AFAP1L2: variants seen among roughly 807,000 people sequenced by gnomAD.
The protein encoded by AFAP1L2 is actin filament-associated protein 1-like 2.
AFAP1L2 carries 46 observed loss-of-function variants against 99.3 expected under a neutral mutation model. The observed-to-expected ratio is 0.46, with a 90% CI of 0.37 to 0.59. The LOEUF (loss-of-function observed/expected upper bound fraction) is 0.59, where lower values mean the gene tolerates loss of function less well. Ranked by LOEUF, AFAP1L2 falls within the 20% of genes least tolerant of loss-of-function variation. The pLI is 0.00. For synonymous variants in AFAP1L2, 397 were observed against 419.1 expected (o/e 0.95, Z 0.64); for missense variants, 959 against 1,034.9 (o/e 0.93, Z 1.01).
chr10:114,309,697 C>T (rs1349794684), intron 8 of AFAP1L2, among the ~76,000 whole-genome samples: 1 of 152,180 alleles, frequency 6.6e-6, no homozygotes, highest in Non-Finnish European at 1.5e-5. Flanking sequence ...GCCCCAAGCC[C>T]AGAGGCGCTA....
chr10:114,311,128 CGT>C (rs2043179854), intron 7 of AFAP1L2, among the ~76,000 whole-genome samples: 1 of 152,056 alleles, frequency 6.6e-6, no homozygotes, highest in South Asian at 2.1e-4. Context: ...AGGAAGAGGG[CGT>C]GAGACTCTGG....
chr10:114,301,687 A>G (rs2041222904), intron 12 of AFAP1L2: 2 of 567,022 alleles, frequency 3.5e-6, no homozygotes, highest in African/African-American at 3.8e-5. Context: ...TCCCAGAAAG[A>G]CAAGCTTCCC....
chr10:114,327,342 G>A (rs2046529757), intron 4 of AFAP1L2, among the ~76,000 whole-genome samples: 5 of 150,680 alleles, frequency 3.3e-5, no homozygotes, highest in Admixed American at 2.7e-4. Flanking sequence ...TAATAGAGAC[G>A]TGGTTTTCGC....
At chr10:114,283,549 G>A in the AFAP1L2 span, among the ~76,000 whole-genome samples, 2 of 152,206 alleles carry the variant, frequency 1.3e-5, no homozygotes, top group African/African-American at 4.8e-5. Flanking sequence ...AGGACTTCCG[G>A]TTTGGAAACT....
At chr10:114,344,272 T>TCA (rs1175403696) in intron 1 of AFAP1L2, among the ~76,000 whole-genome samples, 1 of 152,130 alleles carries the variant, frequency 6.6e-6, no homozygotes, top group African/African-American at 2.4e-5. Flanking sequence ...GCAGTGAGCT[T>TCA]AAAGAAGCCA....
chr10:114,297,343 G>A lies in AFAP1L2; in HGVS notation c.2184C>T (p.Ser728=), dbSNP rs2040409203. Residue 728 remains serine (S), a synonymous_variant, in exon 17 of 19, where the codon AGC becomes AGT. Coordinates refer to ENST00000304129, the MANE Select transcript of AFAP1L2 (RefSeq NM_001001936.3). ...TGCTGAGCTCCAGGTCCACGCGCCT[G>A]CTCTCCTCGCCCCGGCACTCCTCGT... ...EIDEECRGEE[S]RRVDLELSIM... 1 of 1,613,782 alleles carries A rather than the reference G, an allele frequency of 6.2e-7. No homozygotes were observed. Among genetic ancestry groups the A allele is most frequent in the Non-Finnish European group, 8.5e-7 (1 of 1,180,028 alleles).
chr10:114,333,690 A>G (rs1461242627), intron 2 of AFAP1L2, among the ~76,000 whole-genome samples: 1 of 152,176 alleles, frequency 6.6e-6, no homozygotes, highest in East Asian at 1.9e-4. Context: ...TGGTAGCTAT[A>G]ATCCTAGCTA....
rs527771544 is a variant in AFAP1L2, at chr10:114,398,928, C to G, written c.16+5512G>C. The G allele has an allele frequency of 5.9e-4, 774 of 1,304,284 alleles. 1 individual carries two copies. The highest frequency in any genetic ancestry group is 6.7e-4 in the Non-Finnish European group (664 of 988,940). 80.8% of individuals were successfully genotyped at this position (1,304,284 alleles called of 1,614,324 possible). ...TGCTGGAATAGACAGAAATAAGGCTCAAGTCGGGAAAGCCAAGGGTGGCCA... is the reference window on the plus strand; with the variant it reads ...TGCTGGAATAGACAGAAATAAGGCTGAAGTCGGGAAAGCCAAGGGTGGCCA... On this transcript the variant is annotated intron_variant, in intron 1 of 18. Transcript: ENST00000304129.
chr10:114,371,427 G>A (rs576631625), intron 1 of AFAP1L2, among the ~76,000 whole-genome samples: 1 of 152,268 alleles, frequency 6.6e-6, no homozygotes, highest in African/African-American at 2.4e-5. Flanking sequence ...AAAGTAGACT[G>A]GCAGGGCAAA....
downstream of AFAP1L2, chr10:114,291,620 T>G (rs1299406087): frequency 1.5e-5 from 3 of 206,282 alleles, no homozygotes; most frequent in African/African-American, 7.0e-5. Context: ...TTGCACACAA[T>G]CAATGCTCGC....
At chr10:114,373,256 C>T (rs1240268553) in intron 1 of AFAP1L2, among the ~76,000 whole-genome samples, 1 of 151,924 alleles carries the variant, frequency 6.6e-6, no homozygotes, top group African/African-American at 2.4e-5. Context: ...TTTAAAATTC[C>T]TACATAATTC....
intron 1 of AFAP1L2, among the ~76,000 whole-genome samples, chr10:114,351,274 G>A (rs1343166377): frequency 6.6e-6 from 1 of 152,162 alleles, no homozygotes; most frequent in Admixed American, 6.5e-5. Flanking sequence ...TTTACGCAGA[G>A]AAAAGAAGTT....
At chr10:114,382,253 G>C (rs1247170555) in intron 1 of AFAP1L2, among the ~76,000 whole-genome samples, 1 of 95,106 alleles carries the variant, frequency 1.1e-5, no homozygotes, top group Non-Finnish European at 2.4e-5. Context: ...CAAAGGATTG[G>C]GGGAAAATGT....
intron 7 of AFAP1L2, among the ~76,000 whole-genome samples, chr10:114,310,804 G>A (rs1027633881): frequency 2.6e-5 from 4 of 152,226 alleles, no homozygotes; most frequent in Non-Finnish European, 5.9e-5. Context: ...CTGTTCTGTT[G>A]CAGGCGTGAT....
At chr10:114,344,756 C>A (rs6585272) in intron 1 of AFAP1L2, among the ~76,000 whole-genome samples, 20,598 of 152,142 alleles carry the variant, frequency 0.14, 1,665 homozygotes, top group East Asian at 0.24. Context: ...GTAGCTCGTC[C>A]TTGAGGAATG....
intron 1 of AFAP1L2, among the ~76,000 whole-genome samples, chr10:114,367,010 C>T (rs939478659): frequency 1.3e-5 from 2 of 152,108 alleles, no homozygotes; most frequent in African/African-American, 4.8e-5. Context: ...TTTGACAAAT[C>T]GAGCCTCCTC....
intron 18 of AFAP1L2, chr10:114,296,772 G>T (rs1457361904): frequency 5.6e-6 from 4 of 713,930 alleles, no homozygotes; most frequent in East Asian, 3.2e-5. Context: ...AAGGATGCTC[G>T]AACCAAGTGC....
chr10:114,311,810 C>T (rs1292550148), intron 7 of AFAP1L2, among the ~76,000 whole-genome samples: 1 of 152,248 alleles, frequency 6.6e-6, no homozygotes, highest in African/African-American at 2.4e-5. Flanking sequence ...CTCCCGTTTA[C>T]TGTCATATAC....
chr10:114,321,613 T>G (rs1478665875), intron 5 of AFAP1L2, among the ~76,000 whole-genome samples: 1 of 152,156 alleles, frequency 6.6e-6, no homozygotes, highest in Non-Finnish European at 1.5e-5. Context: ...CCCTAGCCTT[T>G]TATATCTGCT....
Sources: gnomAD v4.1 joint callset for allele counts (sites outside exome capture counted in the v4.1 genomes callset) on GRCh38, gnomAD v4.1.1 for gene constraint, MANE v1.5 for transcripts, NCBI Gene and HGNC (gene_info 2026-07-23, HGNC 2026-07-21) for gene names.